The following RAPGEF6 variants were observed in gnomAD, a reference collection of about 807,000 sequenced individuals.
The protein encoded by RAPGEF6 is Rap guanine nucleotide exchange factor 6, also known as PDZ domain containing guanine nucleotide exchange factor (GEF) 2.
In RAPGEF6, 56 loss-of-function variants were observed where a neutral mutation model predicts 171.4. The ratio of observed to expected loss-of-function variants is 0.33; its 90% confidence interval spans 0.26 to 0.41. The LOEUF (loss-of-function observed/expected upper bound fraction) is 0.41. RAPGEF6 is among the 10% of genes least tolerant of loss of function. The pLI, the probability that RAPGEF6 is intolerant of heterozygous loss-of-function variation, is 1.00. For synonymous variants in RAPGEF6, 692 were observed against 650.1 expected (o/e 1.06, Z -0.98); for missense variants, 1,674 against 1,921.4 (o/e 0.87, Z 2.41).
At position 131,439,524 on chromosome 5, in the gene RAPGEF6, T is replaced by G; in HGVS notation, c.3745+57A>C. The G allele has an allele frequency of 5.9e-6, 9 of 1,514,678 alleles. No homozygotes were observed. The South Asian group carries it at 1.2e-4, about 19-fold the overall frequency. The allele number at this position is 1,514,678 out of a possible 1,614,324, so 93.8% of individuals were successfully genotyped here. On this transcript the variant is annotated intron_variant, in intron 24 of 27. Transcript: ENST00000509018. ...TTGCTATAGATTGAAAAGCAAAATATGTGCTATAAAGTATTGTTTAGTTTA... is the reference window on the plus strand; with the variant it reads ...TTGCTATAGATTGAAAAGCAAAATAGGTGCTATAAAGTATTGTTTAGTTTA...
chr5:131,508,041 T>C, intron 9 of RAPGEF6, 30 bp downstream of exon 9: 2 of 1,536,500 alleles, frequency 1.3e-6, no homozygotes. Context: ...GTATCCATAA[T>C]AAATGTATGT....
intron 15 of RAPGEF6, among the ~76,000 whole-genome samples, chr5:131,485,157 C>A (rs1275909523): frequency 6.6e-6 from 1 of 152,078 alleles, no homozygotes; most frequent in Non-Finnish European, 1.5e-5. Flanking sequence ...GAACTCCTAG[C>A]CTCAAGTGAT....
intron 4 of RAPGEF6, among the ~76,000 whole-genome samples, chr5:131,578,448 C>A (rs1202544745): frequency 1.3e-5 from 2 of 152,184 alleles, no homozygotes; most frequent in Non-Finnish European, 2.9e-5. Context: ...CCCATCTTTA[C>A]CTGCCTGAGG....
At chr5:131,494,366 C>T (rs1378077776) in intron 13 of RAPGEF6, among the ~76,000 whole-genome samples, 1 of 152,180 alleles carries the variant, frequency 6.6e-6, no homozygotes. Flanking sequence ...CGAACAGCTA[C>T]TGTGGACTTG....
intron 18 of RAPGEF6, among the ~76,000 whole-genome samples, chr5:131,462,414 C>CA (rs1455518239): frequency 6.6e-6 from 1 of 152,146 alleles, no homozygotes; most frequent in Non-Finnish European, 1.5e-5. Flanking sequence ...TTTTATCTGA[C>CA]AGAGGATTGG....
At chr5:131,616,110 AAAG>A (rs934940418) in intron 1 of RAPGEF6, among the ~76,000 whole-genome samples, 31 of 152,252 alleles carry the variant, frequency 2.0e-4, no homozygotes, top group Admixed American at 3.3e-4. Context: ...GGCGAAAAAA[AAAG>A]AAGAAGAAGG....
chr5:131,462,593 A>C (rs2149835596), intron 18 of RAPGEF6, among the ~76,000 whole-genome samples: 1 of 152,354 alleles, frequency 6.6e-6, no homozygotes, highest in Non-Finnish European at 1.5e-5. Flanking sequence ...GAGGGGAAAC[A>C]CTTCCACTAA....
At chr5:131,428,746 G>C (rs528754411) in intron 27 of RAPGEF6, among the ~76,000 whole-genome samples, 156 bp downstream of exon 27, 49 of 152,268 alleles carry the variant, frequency 3.2e-4, no homozygotes, top group African/African-American at 1.2e-3. Context: ...ACAGGTGTGA[G>C]CCACTGCACC....
At chr5:131,608,366 A>G (rs868527495) in intron 1 of RAPGEF6, among the ~76,000 whole-genome samples, 4 of 152,212 alleles carry the variant, frequency 2.6e-5, no homozygotes, top group African/African-American at 7.2e-5. Context: ...AGCCGCCAAA[A>G]AAGACTACTT....
At chr5:131,495,406 G>A (rs1326904438) in intron 13 of RAPGEF6, 147 bp downstream of exon 13, 1 of 487,022 alleles carries the variant, frequency 2.1e-6, no homozygotes, top group Non-Finnish European at 3.6e-6. Context: ...GAGAATAAAT[G>A]AACAAAAGTC....
intron 9 of RAPGEF6, 105 bp downstream of exon 9, chr5:131,507,966 A>C (rs1757473471): frequency 2.8e-6 from 3 of 1,055,370 alleles, no homozygotes; most frequent in Non-Finnish European, 4.0e-6. Context: ...AATCTGTATA[A>C]ATTTCAAAAA....
chr5:131,571,697 GT>G (rs1196391289), intron 4 of RAPGEF6, among the ~76,000 whole-genome samples: 6 of 152,136 alleles, frequency 3.9e-5, no homozygotes, highest in African/African-American at 1.4e-4. Flanking sequence ...AGGTGTTTTT[GT>G]TTTTAATTAA....
chr5:131,447,587 TATATA>T (rs1752803416), intron 21 of RAPGEF6, among the ~76,000 whole-genome samples: 2 of 152,152 alleles, frequency 1.3e-5, no homozygotes. Flanking sequence ...ACAAAATTCT[TATATA>T]ATTTTTATTT....
chr5:131,492,358 T>G (rs966179860), intron 14 of RAPGEF6, among the ~76,000 whole-genome samples: 1 of 152,218 alleles, frequency 6.6e-6, no homozygotes, highest in Non-Finnish European at 1.5e-5. Context: ...TAGAGCTCAG[T>G]AGACCATGTT....
At chr5:131,453,983 A>C (rs1375240224) in intron 20 of RAPGEF6, among the ~76,000 whole-genome samples, 1 of 152,262 alleles carries the variant, frequency 6.6e-6, no homozygotes, top group Non-Finnish European at 1.5e-5. Context: ...ACTTCTGGTG[A>C]GATCAGAAAA....
At chr5:131,529,681 C>T (rs1200946160) in intron 6 of RAPGEF6, among the ~76,000 whole-genome samples, 1 of 152,002 alleles carries the variant, frequency 6.6e-6, no homozygotes, top group Non-Finnish European at 1.5e-5. Flanking sequence ...GAGGCCAAGG[C>T]ATGAGGACTG....
chr5:131,429,378 A>G (rs1361183503), intron 26 of RAPGEF6, among the ~76,000 whole-genome samples, 162 bp from the exon 27 acceptor site: 2 of 152,238 alleles, frequency 1.3e-5, no homozygotes, highest in Non-Finnish European at 2.9e-5. Flanking sequence ...AAAGTTTAAT[A>G]AACAAACCTC....
At chr5:131,600,427 C>A (rs1196586877) in intron 3 of RAPGEF6, among the ~76,000 whole-genome samples, 1 of 151,866 alleles carries the variant, frequency 6.6e-6, no homozygotes, top group Non-Finnish European at 1.5e-5. Context: ...GAGGCTGAGG[C>A]AGGAGAATCG....
intron 5 of RAPGEF6, among the ~76,000 whole-genome samples, chr5:131,552,904 A>G (rs1761009786): frequency 6.6e-6 from 1 of 152,212 alleles, no homozygotes; most frequent in Admixed American, 6.5e-5. Flanking sequence ...ATGAGCCCCT[A>G]AAAAAGTGGA....
Sources: allele counts gnomAD v4.1 joint callset (sites outside exome capture counted in the v4.1 genomes callset), GRCh38; gene constraint gnomAD v4.1.1; transcripts MANE v1.5; gene names NCBI Gene and HGNC (gene_info 2026-07-23, HGNC 2026-07-21).